ZMYND11: variants seen among roughly 807,000 people sequenced by gnomAD.
ZMYND11 encodes zinc finger MYND domain-containing protein 11.
A neutral mutation model predicts 84.9 loss-of-function variants in ZMYND11; 9 were observed. The ratio of observed to expected loss-of-function variants is 0.11; its 90% CI spans 0.06 to 0.18. The LOEUF (loss-of-function observed/expected upper bound fraction) is 0.18, where lower values mean the gene tolerates loss of function less well. Among genes scored for constraint, ZMYND11 ranks in the 10% least tolerant of loss-of-function variants. The pLI, the probability that ZMYND11 is intolerant of heterozygous loss-of-function variation, is 1.00. For synonymous variants in ZMYND11, 250 were observed against 244.1 expected, an observed-to-expected ratio of 1.02 and a Z score of -0.23; for missense variants, 409 against 761.0, an observed-to-expected ratio of 0.54 and a Z score of 5.44.
At chr10:237,859 C>T (rs1950236367) in intron 6 of ZMYND11, among the ~76,000 whole-genome samples, 182 bp downstream of exon 6, 1 of 152,150 alleles carries the variant, frequency 6.6e-6, no homozygotes, top group African/African-American at 2.4e-5. Flanking sequence ...TTGTAAATTT[C>T]ATGTGCTTAC....
chr10:225,903 C>T (rs570665804), intron 4 of ZMYND11, among the ~76,000 whole-genome samples: 11 of 152,230 alleles, frequency 7.2e-5, no homozygotes, highest in African/African-American at 2.6e-4. Context: ...CAGGGCTGTT[C>T]GAGAGCTTCT....
At chr10:159,068 T>G (rs1842410213) in intron 1 of ZMYND11, among the ~76,000 whole-genome samples, 1 of 150,544 alleles carries the variant, frequency 6.6e-6, no homozygotes, top group South Asian at 2.1e-4. Context: ...CTTTTTAATG[T>G]TGAAGTCCAC....
intron 1 of ZMYND11, among the ~76,000 whole-genome samples, chr10:149,501 G>A (rs12770310): frequency 4.0e-5 from 6 of 151,736 alleles, no homozygotes; most frequent in South Asian, 2.1e-4. Context: ...TAGTAGAGAC[G>A]GGGTTTCACC....
chr10:196,423 A>T (rs1167004104), intron 2 of ZMYND11, among the ~76,000 whole-genome samples: 1 of 152,210 alleles, frequency 6.6e-6, no homozygotes, highest in Admixed American at 6.5e-5. Context: ...TAATTTTATT[A>T]TGACCATTTT....
At chr10:172,896 G>A (rs1446723046) in intron 1 of ZMYND11, among the ~76,000 whole-genome samples, 1 of 152,136 alleles carries the variant, frequency 6.6e-6, no homozygotes, top group Non-Finnish European at 1.5e-5. Flanking sequence ...CAAATAGATG[G>A]ATGGAACAGA....
At chr10:214,308 A>G (rs1945788480) in intron 3 of ZMYND11, among the ~76,000 whole-genome samples, 1 of 152,202 alleles carries the variant, frequency 6.6e-6, no homozygotes, top group Non-Finnish European at 1.5e-5. Flanking sequence ...AGCAAACAGA[A>G]GTATACGTAC....
intron 1 of ZMYND11, among the ~76,000 whole-genome samples, chr10:153,085 G>T (rs988608812): frequency 6.6e-6 from 1 of 152,274 alleles, no homozygotes; most frequent in Admixed American, 6.5e-5. Context: ...CTCTGCCCTT[G>T]AATACCTTTA....
At chr10:207,984 A>G (rs1000474509) in intron 2 of ZMYND11, among the ~76,000 whole-genome samples, 6 of 152,200 alleles carry the variant, frequency 3.9e-5, no homozygotes, top group Non-Finnish European at 8.8e-5. Context: ...GCCCTCAGAA[A>G]TAATGCCGCA....
At chr10:155,107 A>G (rs1841394067) in intron 1 of ZMYND11, among the ~76,000 whole-genome samples, 1 of 151,922 alleles carries the variant, frequency 6.6e-6, no homozygotes, top group Non-Finnish European at 1.5e-5. Context: ...TTGTTTATTT[A>G]TTTTCAGAAA....
intron 1 of ZMYND11, among the ~76,000 whole-genome samples, chr10:157,389 G>A (rs1034894746): frequency 2.6e-4 from 39 of 152,054 alleles, no homozygotes; most frequent in African/African-American, 8.7e-4. Flanking sequence ...TTGTGGAGAC[G>A]GGGTGTCACC....
intron 8 of ZMYND11, 116 bp downstream of exon 8, chr10:240,227 C>A: frequency 2.2e-6 from 2 of 921,394 alleles, no homozygotes; most frequent in Non-Finnish European, 3.1e-6. Context: ...CTTTTATTGC[C>A]GGGCGTGGGG....
intron 1 of ZMYND11, among the ~76,000 whole-genome samples, chr10:174,714 C>T (rs1197094222): frequency 6.6e-6 from 1 of 151,952 alleles, no homozygotes; most frequent in East Asian, 1.9e-4. Flanking sequence ...ATGAGTACTA[C>T]AGTGGCACAT....
chr10:217,647 G>A (rs978751523), intron 3 of ZMYND11, among the ~76,000 whole-genome samples: 3 of 151,928 alleles, frequency 2.0e-5, no homozygotes, highest in African/African-American at 7.3e-5. Context: ...TTCCTGTTCT[G>A]TGCACTGAGT....
intron 1 of ZMYND11, among the ~76,000 whole-genome samples, chr10:155,872 G>A (rs1413128799): frequency 1.2e-4 from 18 of 152,148 alleles, no homozygotes; most frequent in African/African-American, 4.3e-4. Flanking sequence ...ACATTTTGGT[G>A]TACAAGAGAC....
chr10:210,995 C>CA (rs201469622), intron 3 of ZMYND11, among the ~76,000 whole-genome samples: 385 of 147,980 alleles, frequency 2.6e-3, no homozygotes, highest in African/African-American at 7.7e-3. Context: ...CCCATCTCTA[C>CA]AAAAAAAAAT....
intron 2 of ZMYND11, among the ~76,000 whole-genome samples, chr10:202,859 G>C (rs570975661): frequency 7.2e-5 from 11 of 152,204 alleles, no homozygotes; most frequent in Non-Finnish European, 1.2e-4. Flanking sequence ...CTCTTCTTGT[G>C]TTGTGTGTTA....
rs57227207 is a variant in ZMYND11, at chr10:160,949, CTTTTTTTTTTTTTTTT to C, written c.-19-19030_-19-19015del. 5.2e-4 allele frequency among the ~76,000 whole-genome samples: 53 copies of C among 102,234 alleles called. No homozygotes were observed. The South Asian group carries it at 0.017, about 32-fold the overall frequency. The allele number at this position is 102,234 out of a possible 152,430, so 67.1% of individuals were successfully genotyped here. On this transcript the variant is annotated intron_variant, in intron 1 of 14. Transcript: ENST00000381604. ...AAGACCTGAAAGTTGAAATTACTTA[CTTTTTTTTTTTTTTTT>C]TTTTTTTTTTTTTTGAGACAGGGTC...
Position 236,820 on chromosome 10 carries a change from TTC to T in ZMYND11, c.439-16_439-15del, listed in dbSNP as rs1950069505. ...TGATCAGATTTTGTACCTTTTTTTA[TTC>T]TTTTTTTTTCAATAGAGCATTAAGA... On this transcript the variant is annotated splice_polypyrimidine_tract_variant and intron_variant, in intron 4 of 14. Coordinates refer to ENST00000381604, the MANE Select transcript of ZMYND11 (RefSeq NM_001370100.5). The T allele has an allele frequency of 6.3e-7, 1 of 1,599,250 alleles. No individual in the cohort carries two copies. The highest frequency in any genetic ancestry group is 1.7e-5 in the Admixed American group (1 of 59,266).
intron 4 of ZMYND11, among the ~76,000 whole-genome samples, chr10:234,873 T>C (rs1159677184): frequency 6.6e-6 from 1 of 152,186 alleles, no homozygotes; most frequent in Admixed American, 6.5e-5. Context: ...GTGCTTCAGA[T>C]CCAGGGAGAG....
Sources: allele counts gnomAD v4.1 joint callset (sites outside exome capture counted in the v4.1 genomes callset), GRCh38; gene constraint gnomAD v4.1.1; transcripts MANE v1.5; gene names NCBI Gene and HGNC (gene_info 2026-07-23, HGNC 2026-07-21).